The following GALNT13 variants were observed in gnomAD, a reference collection of about 807,000 sequenced individuals.
GALNT13 encodes the protein UDP-GalNAc:polypeptide N-acetylgalactosaminyltransferase 13.
A neutral mutation model predicts 64.2 loss-of-function variants in GALNT13; 28 were observed. That is an observed-to-expected ratio of 0.44 (90% CI 0.32 to 0.60). GALNT13 has a LOEUF of 0.60. Among genes scored for constraint, GALNT13 ranks in the 20% least tolerant of loss-of-function variants. GALNT13 has a pLI of 0.05. For synonymous variants in GALNT13, 214 were observed against 224.6 expected (o/e 0.95, Z 0.42); for missense variants, 577 against 669.8 (o/e 0.86, Z 1.53).
At chr2:153,531,403 A>G in the GALNT13 span, among the ~76,000 whole-genome samples, 2 of 152,122 alleles carry the variant, frequency 1.3e-5, no homozygotes, top group Admixed American at 6.5e-5. Context: ...TGAGAACCCC[A>G]TTACAAGCTT....
chr2:153,469,691 A>T, the GALNT13 span, among the ~76,000 whole-genome samples: 1 of 152,108 alleles, frequency 6.6e-6, no homozygotes, highest in Non-Finnish European at 1.5e-5. Context: ...TCCAAGCAAG[A>T]TGGGTCATGA....
chr2:153,654,957 G>T, the GALNT13 span, among the ~76,000 whole-genome samples: 1 of 151,850 alleles, frequency 6.6e-6, no homozygotes, highest in African/African-American at 2.4e-5. Context: ...TGCTGTTCTG[G>T]TTCCCCATCC....
the GALNT13 span, among the ~76,000 whole-genome samples, chr2:153,835,943 G>A: frequency 1.8e-4 from 27 of 151,970 alleles, no homozygotes; most frequent in African/African-American, 5.8e-4. Flanking sequence ...ATTTTGGGGG[G>A]AATAGTGAAC....
chr2:153,506,643 G>C, the GALNT13 span, among the ~76,000 whole-genome samples: 1 of 152,150 alleles, frequency 6.6e-6, no homozygotes, highest in African/African-American at 2.4e-5. Flanking sequence ...TAATTGTTTT[G>C]TTTAAGGAGG....
intron 4 of GALNT13, among the ~76,000 whole-genome samples, chr2:154,189,932 C>G (rs1024853916): frequency 6.6e-6 from 1 of 152,106 alleles, no homozygotes; most frequent in Non-Finnish European, 1.5e-5. Context: ...CTATTGTTAG[C>G]TTTAATATGT....
the GALNT13 span, chr2:153,370,578 T>G: frequency 6.6e-6 from 1 of 152,126 alleles, no homozygotes; most frequent in African/African-American, 2.4e-5. Context: ...GTTCAATATA[T>G]GTAGGAAAAA....
intron 10 of GALNT13, among the ~76,000 whole-genome samples, chr2:154,401,428 T>C (rs1699298915): frequency 6.6e-6 from 1 of 152,158 alleles, no homozygotes; most frequent in South Asian, 2.1e-4. Context: ...CTGTTCATTT[T>C]ATTTCCAAAA....
chr2:153,128,798 G>A, the GALNT13 span, among the ~76,000 whole-genome samples: 2 of 152,082 alleles, frequency 1.3e-5, 1 homozygote, highest in African/African-American at 4.8e-5. Flanking sequence ...CAATCATGGT[G>A]GAAGGTAAGG....
At chr2:154,303,919 G>A (rs1437591418) in intron 9 of GALNT13, among the ~76,000 whole-genome samples, 2 of 151,920 alleles carry the variant, frequency 1.3e-5, no homozygotes, top group Non-Finnish European at 2.9e-5. Flanking sequence ...CACCATGGCC[G>A]GCTAATTTTT....
the GALNT13 span, among the ~76,000 whole-genome samples, chr2:153,655,203 A>G: frequency 6.6e-6 from 1 of 152,220 alleles, no homozygotes; most frequent in East Asian, 1.9e-4. Flanking sequence ...GAGTTGATTT[A>G]TTTATTACAC....
chr2:153,135,065 C>G, the GALNT13 span, among the ~76,000 whole-genome samples: 1 of 152,086 alleles, frequency 6.6e-6, no homozygotes, highest in Non-Finnish European at 1.5e-5. Flanking sequence ...CATTCTCCTG[C>G]TGTTCTGGAG....
chr2:153,869,401 C>T (rs1685813238), upstream of GALNT13, among the ~76,000 whole-genome samples: 1 of 152,082 alleles, frequency 6.6e-6, no homozygotes, highest in Admixed American at 6.6e-5. Context: ...TTTTAAATCT[C>T]CATTAGTCTG....
intron 9 of GALNT13, among the ~76,000 whole-genome samples, chr2:154,330,852 A>T (rs936578147): frequency 1.3e-5 from 2 of 152,166 alleles, no homozygotes; most frequent in Non-Finnish European, 2.9e-5. Flanking sequence ...CCTTCCTCAC[A>T]TTAATAAGTT....
At chr2:153,931,066 A>AGTGTGTGTGTGTGTGTGT (rs59409947) in intron 2 of GALNT13, among the ~76,000 whole-genome samples, 4 of 138,174 alleles carry the variant, frequency 2.9e-5, no homozygotes, top group African/African-American at 1.1e-4. Context: ...TGTATTCCTA[A>AGTGTGTGTGTGTGTGTGT]GTGTGTGTGT....
the GALNT13 span, among the ~76,000 whole-genome samples, chr2:153,860,663 A>T: frequency 6.6e-6 from 1 of 152,306 alleles, no homozygotes; most frequent in Non-Finnish European, 1.5e-5. Flanking sequence ...GTGGTTATAT[A>T]GGAGACAAAA....
At chr2:153,887,305 G>T (rs1355568108) in intron 1 of GALNT13, among the ~76,000 whole-genome samples, 1 of 150,052 alleles carries the variant, frequency 6.7e-6, no homozygotes, top group Admixed American at 6.7e-5. Context: ...TCTCCTCTCC[G>T]ATGGTCCTCT....
At chr2:153,682,122 G>A in the GALNT13 span, among the ~76,000 whole-genome samples, 2 of 151,666 alleles carry the variant, frequency 1.3e-5, no homozygotes, top group Non-Finnish European at 2.9e-5. Context: ...GAATTTTGTT[G>A]AGATCACCTG....
the GALNT13 span, among the ~76,000 whole-genome samples, chr2:153,725,222 C>T: frequency 0.014 from 2,011 of 146,026 alleles, 44 homozygotes; most frequent in African/African-American, 0.048. Context: ...AACCAAACAC[C>T]GCATATTCTC....
the GALNT13 span, among the ~76,000 whole-genome samples, chr2:153,231,128 T>A: frequency 6.6e-6 from 1 of 152,104 alleles, no homozygotes; most frequent in African/African-American, 2.4e-5. Flanking sequence ...CTTTTTCACC[T>A]CTAGCTAATG....
Sources: gnomAD v4.1 joint callset for allele counts (sites outside exome capture counted in the v4.1 genomes callset) on GRCh38, gnomAD v4.1.1 for gene constraint, MANE v1.5 for transcripts, NCBI Gene and HGNC (gene_info 2026-07-23, HGNC 2026-07-21) for gene names.